Variants in WIPF3 observed in about 807,000 individuals in gnomAD.
WIPF3 encodes WAS/WASL-interacting protein family member 3.
Under a neutral mutation model 38.9 loss-of-function variants are expected in WIPF3, and 33 were observed. The observed-to-expected ratio is 0.85, with a 90% CI of 0.64 to 1.14. The LOEUF (loss-of-function observed/expected upper bound fraction) is 1.14, where lower values mean the gene tolerates loss of function less well. Ranked by LOEUF, WIPF3 falls within the 50% of genes most tolerant of loss-of-function variation. WIPF3 has a pLI of 0.00. For synonymous variants in WIPF3, 324 were observed against 269.3 expected (o/e 1.20, Z -1.99); for missense variants, 711 against 652.5 (o/e 1.09, Z -0.98).
At chr7:29,857,218 A>G (rs1489204085) in intron 2 of WIPF3, among the ~76,000 whole-genome samples, 1 of 151,912 alleles carries the variant, frequency 6.6e-6, no homozygotes, top group Non-Finnish European at 1.5e-5. Context: ...CCCTCACCTC[A>G]CCTTGTCCCC....
intron 1 of WIPF3, among the ~76,000 whole-genome samples, chr7:29,828,340 C>T (rs1478122529): frequency 6.6e-6 from 1 of 152,132 alleles, no homozygotes; most frequent in Non-Finnish European, 1.5e-5. Flanking sequence ...CAAGCCCAGT[C>T]CACATCACTT....
intron 2 of WIPF3, among the ~76,000 whole-genome samples, chr7:29,868,319 G>A (rs898888919): frequency 6.6e-6 from 1 of 152,056 alleles, no homozygotes; most frequent in Non-Finnish European, 1.5e-5. Flanking sequence ...GGCTCCAACT[G>A]GCCAAGGAAA....
intron 7 of WIPF3, among the ~76,000 whole-genome samples, chr7:29,893,341 GGGTATACA>G (rs1384013414): frequency 2.0e-5 from 3 of 152,200 alleles, no homozygotes; most frequent in African/African-American, 7.2e-5. Flanking sequence ...GTGGAGCGCA[GGGTATACA>G]GGTCTGGGGC....
At chr7:29,859,477 T>G (rs1785239761) in intron 2 of WIPF3, among the ~76,000 whole-genome samples, 1 of 152,082 alleles carries the variant, frequency 6.6e-6, no homozygotes, top group Admixed American at 6.6e-5. Context: ...TTTATGTGAG[T>G]GTTTTGGGGT....
chr7:29,883,460 G>C (rs1363774192), intron 4 of WIPF3, among the ~76,000 whole-genome samples: 1 of 152,244 alleles, frequency 6.6e-6, no homozygotes, highest in Non-Finnish European at 1.5e-5. Flanking sequence ...GTCCAAATTA[G>C]AGCATAAGGG....
At chr7:29,871,482 T>A (rs1785496268) in intron 2 of WIPF3, among the ~76,000 whole-genome samples, 1 of 152,208 alleles carries the variant, frequency 6.6e-6, no homozygotes, top group East Asian at 1.9e-4. Context: ...ACGATAGGGT[T>A]TGGACCCTTG....
chr7:29,914,415 G>A, intron 8 of WIPF3, 78 bp from the exon 9 acceptor site: 3 of 1,124,838 alleles, frequency 2.7e-6, no homozygotes, highest in South Asian at 2.1e-5. Flanking sequence ...CAGCCTGTTT[G>A]GGGGGGTGGA....
intron 2 of WIPF3, among the ~76,000 whole-genome samples, chr7:29,864,919 C>A (rs866753805): frequency 2.0e-5 from 3 of 152,162 alleles, no homozygotes; most frequent in Admixed American, 6.5e-5. Context: ...GGATCTCTGG[C>A]TTTATTCCAG....
At position 29,898,868 on chromosome 7, in the gene WIPF3, G is replaced by A. The variant is rs188469166; in HGVS notation, c.1352-5418G>A. ...GTGTACTTTTTAGTATACTTTCTCC[G>A]AATATCCATGTGACCGTCTCCCTAC... On this transcript the variant is annotated intron_variant, in intron 7 of 8. Transcript: ENST00000242140. Among the ~76,000 whole-genome samples, 16 of 152,032 alleles carry A rather than the reference G, an allele frequency of 1.1e-4. No homozygotes were observed. The East Asian group carries it at 2.5e-3, about 24-fold the overall frequency.
intron 2 of WIPF3, among the ~76,000 whole-genome samples, chr7:29,852,843 G>A (rs1332457967): frequency 6.6e-6 from 1 of 152,194 alleles, no homozygotes; most frequent in Non-Finnish European, 1.5e-5. Flanking sequence ...TATTGACAGG[G>A]AGACTTTTCC....
chr7:29,889,135 G>C (rs1428012915), intron 6 of WIPF3, among the ~76,000 whole-genome samples, 171 bp from the exon 7 acceptor site: 1 of 152,168 alleles, frequency 6.6e-6, no homozygotes, highest in Non-Finnish European at 1.5e-5. Context: ...TAAAACTTGA[G>C]AGGTGAATGG....
chr7:29,807,003 C>T (rs1390622572), intron 1 of WIPF3, among the ~76,000 whole-genome samples: 1 of 151,876 alleles, frequency 6.6e-6, no homozygotes, highest in African/African-American at 2.4e-5. Context: ...ACTGGACTCC[C>T]CGGTGAGCAG....
At chr7:29,859,104 G>A (rs1390747094) in intron 2 of WIPF3, among the ~76,000 whole-genome samples, 2 of 152,146 alleles carry the variant, frequency 1.3e-5, no homozygotes, top group Non-Finnish European at 2.9e-5. Flanking sequence ...TGTTTTTGGG[G>A]AAATATCTTC....
intron 2 of WIPF3, among the ~76,000 whole-genome samples, chr7:29,849,994 G>A (rs1345357943): frequency 6.6e-6 from 1 of 152,222 alleles, no homozygotes; most frequent in African/African-American, 2.4e-5. Context: ...CTTTTTGTCA[G>A]AGGGAAGGGT....
chr7:29,907,807 T>C (rs1197871001), intron 8 of WIPF3, among the ~76,000 whole-genome samples: 4 of 152,224 alleles, frequency 2.6e-5, no homozygotes, highest in Non-Finnish European at 2.9e-5. Flanking sequence ...TGTAAGATGC[T>C]TTGTTATAGC....
intron 1 of WIPF3, among the ~76,000 whole-genome samples, chr7:29,828,579 CT>C (rs1784662255): frequency 6.6e-6 from 1 of 152,142 alleles, no homozygotes; most frequent in African/African-American, 2.4e-5. Context: ...AGATATGGGG[CT>C]TTTGGAAGAG....
rs552844179 is a variant in WIPF3, at chr7:29,813,803, C to T, written c.-58+7125C>T. Among the ~76,000 whole-genome samples, 22 of 152,278 alleles carry T rather than the reference C, an allele frequency of 1.4e-4. No homozygotes were observed. The South Asian group carries it at 3.9e-3, about 27-fold the overall frequency. ...ATTTTCATCACCCCAAGAAGAAACC[C>T]GTTAATAGTCGCTTCTCATCTCCCT... On this transcript the variant is annotated intron_variant, in intron 1 of 8. Transcript: ENST00000242140.
intron 1 of WIPF3, among the ~76,000 whole-genome samples, chr7:29,808,949 A>G (rs174915): frequency 0.064 from 9,674 of 152,308 alleles, 426 homozygotes; most frequent in Middle Eastern, 0.18. Flanking sequence ...GATGGCAGTC[A>G]ACTTTTTTAC....
At chr7:29,858,035 A>G (rs184258667) in intron 2 of WIPF3, among the ~76,000 whole-genome samples, 1 of 152,266 alleles carries the variant, frequency 6.6e-6, no homozygotes, top group Non-Finnish European at 1.5e-5. Context: ...TAAAATGTTT[A>G]TGTATTAGTT....
Sources: allele counts gnomAD v4.1 joint callset (sites outside exome capture counted in the v4.1 genomes callset), GRCh38; gene constraint gnomAD v4.1.1; transcripts MANE v1.5; gene names NCBI Gene and HGNC (gene_info 2026-07-23, HGNC 2026-07-21).